HELQ: variants seen among roughly 807,000 people sequenced by gnomAD.
HELQ encodes helicase POLQ-like.
In HELQ, 77 loss-of-function variants were observed where a neutral mutation model predicts 111.6. The ratio of observed to expected loss-of-function variants is 0.69; its 90% confidence interval spans 0.57 to 0.83. The LOEUF is 0.83. Ranked by LOEUF, HELQ falls within the 40% of genes least tolerant of loss-of-function variation. HELQ has a pLI of 0.00. For synonymous variants in HELQ, 438 were observed against 454.7 expected (o/e 0.96, Z 0.47); for missense variants, 1,200 against 1,288.5 (o/e 0.93, Z 1.05).
intron 1 of HELQ, among the ~76,000 whole-genome samples, chr4:83,455,068 A>C (rs981917548): frequency 6.6e-6 from 1 of 152,172 alleles, no homozygotes; most frequent in Non-Finnish European, 1.5e-5. Context: ...TACTGTCGTA[A>C]AATCTAGATA....
chr4:83,412,273 G>A (rs919804225), intron 17 of HELQ, among the ~76,000 whole-genome samples: 1 of 152,212 alleles, frequency 6.6e-6, no homozygotes, highest in African/African-American at 2.4e-5. Context: ...AAGAAGAACT[G>A]TAACTTGTGA....
At position 83,426,585 on chromosome 4, in the gene HELQ, A is replaced by T. The variant is rs201382258; in HGVS notation, c.2677-493T>A. On this transcript the variant is annotated intron_variant, in intron 13 of 17. Coordinates refer to ENST00000295488, the MANE Select transcript of HELQ (RefSeq NM_133636.5). ...GTTTCTGTTTTTGTTTTTTTTTTTG[A>T]GACAGTCTCATTCTGTCACCCAGGC... Among the ~76,000 whole-genome samples, 3,492 of 141,280 alleles carry T rather than the reference A, an allele frequency of 0.025. 275 individuals carry two copies. In the East Asian group the frequency reaches 0.3, roughly 12 times the overall value. The allele number at this position is 141,280 out of a possible 152,430, so 92.7% of individuals were successfully genotyped here. A position where few individuals can be genotyped will look rare whatever the true frequency, so the allele number is the denominator to read the frequency against.
At chr4:83,413,234 A>G (rs560963113) in intron 17 of HELQ, among the ~76,000 whole-genome samples, 3 of 152,200 alleles carry the variant, frequency 2.0e-5, no homozygotes, top group Non-Finnish European at 4.4e-5. Context: ...CCCAGAGAAG[A>G]GGTTGAGGGA....
chr4:83,419,947 T>C (rs1739581004), intron 15 of HELQ, among the ~76,000 whole-genome samples: 1 of 152,292 alleles, frequency 6.6e-6, no homozygotes, highest in South Asian at 2.1e-4. Context: ...GCCATATACA[T>C]ATACAGAATA....
intron 17 of HELQ, 115 bp downstream of exon 17, chr4:83,416,616 T>C: frequency 9.7e-7 from 1 of 1,026,958 alleles, no homozygotes; most frequent in Middle Eastern, 2.6e-4. Context: ...TGTACTTTTG[T>C]ATCTATAGAA....
chr4:83,448,893 T>C lies in HELQ; in HGVS notation c.1081A>G (p.Thr361Ala), dbSNP rs748173129. Residue 361 changes from threonine to alanine, a missense_variant, in exon 3 of 18, where the codon ACA becomes GCA. Coordinates refer to ENST00000295488, the MANE Select transcript of HELQ (RefSeq NM_133636.5). ...ERKNLIYSLP[T>A]SGGKTLVAEI... ...GCCACGAGGGTTTTTCCACCACTTG[T>C]TGGCAAGGAATATATTAAATTTTTT... 65 of 1,613,082 alleles carry C rather than the reference T, an allele frequency of 4.0e-5. No homozygotes were observed. The highest frequency in any genetic ancestry group is 1.6e-4 in the Middle Eastern group (1 of 6,080).
In HELQ at chr4:83,446,025, A is replaced by C. The variant is rs1011991140; in HGVS notation, c.1454T>G (p.Leu485Arg). Reference sequence around the variant, plus strand: ...GAAAAAATACTTACTGCTAGTGTAGAGGATTTTTGCTAGGGTCATTTCCAG... The same window carrying C: ...GAAAAAATACTTACTGCTAGTGTAGCGGATTTTTGCTAGGGTCATTTCCAG... ...ATLEMTLAKI[L>R]YTSKTTQIIG... The change falls in exon 5 of 18, where the codon CTC (leucine) becomes CGC (arginine). Residue 485 changes from leucine to arginine, a missense_variant. This residue lies in a region of HELQ where 610 missense variants were observed against 607.1 expected (regional missense o/e 1.00). Coordinates refer to ENST00000295488, the MANE Select transcript of HELQ (RefSeq NM_133636.5). The C allele has an allele frequency of 6.2e-7, 1 of 1,608,286 alleles. No homozygotes were observed. Among genetic ancestry groups the C allele is most frequent in the Non-Finnish European group, 8.5e-7 (1 of 1,174,858 alleles).
intron 12 of HELQ, among the ~76,000 whole-genome samples, chr4:83,428,110 T>C (rs1167066712): frequency 6.6e-6 from 1 of 152,158 alleles, no homozygotes; most frequent in African/African-American, 2.4e-5. Context: ...ATGAGATAGA[T>C]TTAAAGAGAC....
At chr4:83,438,931 G>A (rs7653929) in intron 8 of HELQ, among the ~76,000 whole-genome samples, 68,155 of 151,772 alleles carry the variant, frequency 0.45, 15,860 homozygotes, top group East Asian at 0.67. Context: ...CAGAGATTCT[G>A]ATTTGTCTAA....
rs183085174 is a variant in HELQ at position 83,429,893 on chromosome 4, T to C, written c.2296-147A>G. 9.4e-6 allele frequency: 5 copies of C among 533,742 alleles called. No individual in the cohort carries two copies. The African/African-American group carries it at 9.8e-5, about 10-fold the overall frequency. 33.1% of individuals were successfully genotyped at this position (533,742 alleles called of 1,614,324 possible). A position where few individuals can be genotyped will look rare whatever the true frequency, so the allele number is the denominator to read the frequency against. On this transcript the variant is annotated intron_variant, in intron 11 of 17. Transcript: ENST00000295488. ...AAATCTACACAGTTGCATATATAAA[T>C]TTATAATGGCAATTAAAAATTAACA...
Position 83,436,664 on chromosome 4 carries a change from T to G in HELQ, c.2048+194A>C, listed in dbSNP as rs1027444382. Among the ~76,000 whole-genome samples the G allele has an allele frequency of 2.6e-5, 4 of 152,226 alleles. No homozygotes were observed. In the South Asian group the frequency reaches 8.3e-4, roughly 31 times the overall value. On this transcript the variant is annotated intron_variant, in intron 9 of 17. Transcript: ENST00000295488. ...CTAATATCAAGAAATCTATTAACGT[T>G]ATTTTTCATTACATATTTCATTACA...
chr4:83,433,975 G>A (rs1720305804), intron 9 of HELQ, among the ~76,000 whole-genome samples: 1 of 119,196 alleles, frequency 8.4e-6, no homozygotes, highest in Non-Finnish European at 1.6e-5. Context: ...GCGAGACTCT[G>A]TCTCAAAAAA....
chr4:83,453,579 C>T lies in HELQ; in HGVS notation c.664G>A (p.Asp222Asn), dbSNP rs1226038261. The T allele has an allele frequency of 6.2e-7, 1 of 1,612,862 alleles. No individual in the cohort carries two copies. Among genetic ancestry groups the T allele is most frequent in the African/African-American group, 1.3e-5 (1 of 74,876 alleles). The change falls in exon 2 of 18, where the codon GAT (aspartate) becomes AAT (asparagine). Residue 222 changes from aspartate to asparagine, a missense_variant. Asp to Asn is a conservative substitution (Grantham distance 23, BLOSUM62 1). This residue lies in a region of HELQ where 610 missense variants were observed against 607.1 expected (regional missense o/e 1.00). Transcript: ENST00000295488. ...DLGDHSMKER[D>N]WKSSSHNTVN... ...GTGTTGTGAGAGGATGACTTCCAAT[C>T]CCTTTCTTTCATAGAATGATCACCC... is the stretch of plus-strand genomic sequence containing the variant.
At chr4:83,410,848 C>T (rs982550726) in intron 17 of HELQ, among the ~76,000 whole-genome samples, 2 of 151,968 alleles carry the variant, frequency 1.3e-5, no homozygotes, top group African/African-American at 4.8e-5. Context: ...CTAGCATCCA[C>T]ACTGTAAGAA....
intron 14 of HELQ, among the ~76,000 whole-genome samples, chr4:83,423,932 AT>A (rs2109976952): frequency 6.6e-6 from 1 of 152,184 alleles, no homozygotes; most frequent in East Asian, 1.9e-4. Flanking sequence ...AAAAAAAAAA[AT>A]CTTTTGCAAG....
In HELQ at chr4:83,426,018, T is replaced by C; in HGVS notation, c.2751A>G (p.Lys917=). 1 of 1,607,056 alleles carries C rather than the reference T, an allele frequency of 6.2e-7. No individual in the cohort carries two copies. Among genetic ancestry groups the C allele is most frequent in the South Asian group, 1.1e-5 (1 of 90,608 alleles). ...CCTTTCCGATGGCTTGGCCTGATGC[T>C]TTCTTCCCAATAAAGCTTTCAGAGA... ...LGVSESFIGK[K]ASGQAIGKKV... The change falls in exon 14 of 18, where the codon AAA becomes AAG. Residue 917 remains lysine (K), a synonymous_variant. Transcript: ENST00000295488.
intron 8 of HELQ, among the ~76,000 whole-genome samples, chr4:83,438,737 C>T (rs1201930066): frequency 8.0e-6 from 1 of 124,248 alleles, no homozygotes; most frequent in East Asian, 2.2e-4. Flanking sequence ...CAGAGTGAGA[C>T]CCTGTCTCAG....
chr4:83,437,214 G>T, intron 8 of HELQ, 117 bp from the exon 9 acceptor site: 1 of 940,602 alleles, frequency 1.1e-6, no homozygotes, highest in Non-Finnish European at 1.6e-6. Flanking sequence ...TTTCCATTGA[G>T]TTAAGTACAT....
At chr4:83,452,829 C>T (rs912588078) in intron 2 of HELQ, among the ~76,000 whole-genome samples, 1 of 152,146 alleles carries the variant, frequency 6.6e-6, no homozygotes, top group Non-Finnish European at 1.5e-5. Context: ...GAGCACAGAA[C>T]CCAGAATTAG....
Sources: gnomAD v4.1 joint callset for allele counts (sites outside exome capture counted in the v4.1 genomes callset) on GRCh38, gnomAD v4.1.1 for gene constraint, gnomAD v4.1.1 regional missense constraint, MANE v1.5 for transcripts, NCBI Gene and HGNC (gene_info 2026-07-23, HGNC 2026-07-21) for gene names.